The following CADPS2 variants were observed in gnomAD, a reference collection of about 807,000 sequenced individuals.
CADPS2 encodes calcium-dependent secretion activator 2.
Under a neutral mutation model 172.5 loss-of-function variants are expected in CADPS2, and 93 were observed. The ratio of observed to expected loss-of-function variants is 0.54; its 90% confidence interval spans 0.46 to 0.64. CADPS2 has a LOEUF of 0.64. CADPS2 is among the 30% of genes least tolerant of loss of function. The pLI is 0.00. For missense variants in CADPS2, 1,420 were observed against 1,565.9 expected, an observed-to-expected ratio of 0.91 and a Z score of 1.57; for synonymous variants, 546 against 555.2, an observed-to-expected ratio of 0.98 and a Z score of 0.23.
At chr7:122,510,937 A>T (rs1160065036) in intron 9 of CADPS2, among the ~76,000 whole-genome samples, 1 of 152,168 alleles carries the variant, frequency 6.6e-6, no homozygotes, top group Non-Finnish European at 1.5e-5. Flanking sequence ...GAATACTCGC[A>T]TGGATTCTCA....
intron 3 of CADPS2, among the ~76,000 whole-genome samples, chr7:122,653,129 T>C (rs760886666): frequency 2.5e-4 from 38 of 152,284 alleles, no homozygotes; most frequent in Non-Finnish European, 4.3e-4. Flanking sequence ...CCTTCTTGAG[T>C]TGCCAGAGAT....
chr7:122,599,803 G>C (rs1304917927), intron 6 of CADPS2, among the ~76,000 whole-genome samples: 1 of 151,870 alleles, frequency 6.6e-6, no homozygotes, highest in African/African-American at 2.4e-5. Flanking sequence ...CATACATATA[G>C]GATACAGTAT....
chr7:122,732,179 G>A (rs2091710343), intron 2 of CADPS2, among the ~76,000 whole-genome samples: 1 of 151,512 alleles, frequency 6.6e-6, no homozygotes, highest in Non-Finnish European at 1.5e-5. Context: ...CTAGCTGAAA[G>A]AAATTATTTC....
chr7:122,640,169 T>C (rs146014296), intron 3 of CADPS2, among the ~76,000 whole-genome samples: 145 of 152,230 alleles, frequency 9.5e-4, no homozygotes, highest in African/African-American at 3.3e-3. Flanking sequence ...ACAGTCCACA[T>C]CCAATCCACC....
At chr7:122,820,413 C>G (rs1156327652) in intron 1 of CADPS2, among the ~76,000 whole-genome samples, 1 of 152,060 alleles carries the variant, frequency 6.6e-6, no homozygotes, top group East Asian at 1.9e-4. Flanking sequence ...ACTGATCTCT[C>G]AAACCCCAGC....
intron 2 of CADPS2, among the ~76,000 whole-genome samples, chr7:122,675,816 T>C (rs1247276196): frequency 6.6e-6 from 1 of 151,676 alleles, no homozygotes; most frequent in Non-Finnish European, 1.5e-5. Context: ...CCAGGGCCTG[T>C]TGGGGGCGCT....
rs1207404542 is a variant in CADPS2, at chr7:122,878,540, TGA to T, written c.339+7457_339+7458del. On this transcript the variant is annotated intron_variant, in intron 1 of 29. Transcript: ENST00000449022. ...CTGTAGTCCCAGCTACTCAGGAGGC[TGA>T]GGTAGGAGAATGGCGTGAACCCAGG... Among the ~76,000 whole-genome samples, 5 of 150,612 alleles carry T rather than the reference TGA, an allele frequency of 3.3e-5. No homozygotes were observed. The East Asian group carries it at 9.9e-4, about 30-fold the overall frequency.
chr7:122,504,865 G>A (rs1022056517), intron 9 of CADPS2, among the ~76,000 whole-genome samples: 2 of 152,112 alleles, frequency 1.3e-5, no homozygotes, highest in Admixed American at 6.6e-5. Context: ...TGCCCAGTCC[G>A]TTTTCACAAC....
chr7:122,331,273 AT>A (rs2034902532), intron 28 of CADPS2: 1 of 152,192 alleles, frequency 6.6e-6, no homozygotes, highest in South Asian at 2.1e-4. Flanking sequence ...TACTGTTTTT[AT>A]TAGTATTATT....
chr7:122,408,908 CATGTAATTAATTAGCAG>C (rs1209969631), intron 19 of CADPS2, among the ~76,000 whole-genome samples: 4 of 151,948 alleles, frequency 2.6e-5, no homozygotes, highest in African/African-American at 9.7e-5. Flanking sequence ...AAAAGATTGC[CATGTAATTAATTAGCAG>C]ATGGTAAAGG....
chr7:122,645,303 A>G (rs2078216624), intron 3 of CADPS2, among the ~76,000 whole-genome samples: 2 of 135,196 alleles, frequency 1.5e-5, no homozygotes, highest in African/African-American at 2.6e-5. Flanking sequence ...ATATACACAT[A>G]TGTACATGTG....
intron 8 of CADPS2, among the ~76,000 whole-genome samples, chr7:122,517,261 T>C (rs1030010310): frequency 6.6e-6 from 1 of 152,170 alleles, no homozygotes; most frequent in African/African-American, 2.4e-5. Flanking sequence ...AAGCAATATA[T>C]TCCATTGTAG....
intron 1 of CADPS2, among the ~76,000 whole-genome samples, chr7:122,776,013 AG>A (rs1476681201): frequency 2.6e-5 from 4 of 152,150 alleles, no homozygotes; most frequent in Non-Finnish European, 4.4e-5. Context: ...ATACTTTCTT[AG>A]GTCTACATAA....
intron 3 of CADPS2, among the ~76,000 whole-genome samples, chr7:122,655,535 A>T (rs972633280): frequency 2.0e-5 from 3 of 152,166 alleles, no homozygotes; most frequent in African/African-American, 7.2e-5. Context: ...GTTATTTTTT[A>T]AACATAATTC....
At chr7:122,725,486 T>C (rs577972167) in intron 2 of CADPS2, among the ~76,000 whole-genome samples, 1 of 151,894 alleles carries the variant, frequency 6.6e-6, no homozygotes, top group East Asian at 1.9e-4. Context: ...GGGCTTTTAG[T>C]GTACCCATCA....
intron 1 of CADPS2, among the ~76,000 whole-genome samples, chr7:122,794,407 T>C (rs1257009212): frequency 2.6e-5 from 4 of 152,134 alleles, no homozygotes; most frequent in Non-Finnish European, 5.9e-5. Context: ...TTAATGCTTG[T>C]AATTGCATTA....
At chr7:122,519,268 T>A (rs536735276) in intron 8 of CADPS2, among the ~76,000 whole-genome samples, 2 of 152,220 alleles carry the variant, frequency 1.3e-5, no homozygotes, top group Admixed American at 6.6e-5. Flanking sequence ...CTCAGGTAAC[T>A]AGAGTGTTCT....
chr7:122,473,967 C>G (rs1435535509), intron 13 of CADPS2, among the ~76,000 whole-genome samples: 1 of 152,124 alleles, frequency 6.6e-6, no homozygotes, highest in Non-Finnish European at 1.5e-5. Flanking sequence ...GGTTGTCCTT[C>G]TAAGAACAAA....
chr7:122,355,628 T>A (rs2039294654), intron 27 of CADPS2, among the ~76,000 whole-genome samples: 1 of 151,076 alleles, frequency 6.6e-6, no homozygotes, highest in Non-Finnish European at 1.5e-5. Context: ...TATAAGAAGG[T>A]ATTGCCTTCT....
Sources: gnomAD v4.1 joint callset for allele counts (sites outside exome capture counted in the v4.1 genomes callset) on GRCh38, gnomAD v4.1.1 for gene constraint, MANE v1.5 for transcripts, NCBI Gene and HGNC (gene_info 2026-07-23, HGNC 2026-07-21) for gene names.